GHRL: variants seen among roughly 807,000 people sequenced by gnomAD.
GHRL encodes the protein ghrelin and obestatin prepropeptide.
A neutral mutation model predicts 16.9 loss-of-function variants in GHRL; 24 were observed. That is an observed-to-expected ratio of 1.42 (90% CI 1.03 to 2.00). The LOEUF (loss-of-function observed/expected upper bound fraction) is 2.00, where lower values mean the gene tolerates loss of function less well. GHRL is among the 30% of genes most tolerant of loss of function. The probability of loss-of-function intolerance (pLI) is 0.00; values close to 1 mark genes in which losing one functional copy is unlikely to be tolerated. For synonymous variants in GHRL, 63 were observed against 58.2 expected (o/e 1.08, Z -0.37); for missense variants, 193 against 142.1 (o/e 1.36, Z -1.82).
At position 10,292,903 on chromosome 3, in the gene GHRL, C is replaced by G; in HGVS notation, c.-827G>C. On this transcript the variant is annotated 5_prime_UTR_variant, in exon 1 of 6. Coordinates refer to ENST00000335542, the MANE Select transcript of GHRL (RefSeq NM_016362.5). ...TGTTGATCTTAGATAAGACCACCAG[C>G]AAGTAAACATCCACTGTGCAAAGCT... 1.3e-6 allele frequency: 2 copies of G among 1,547,874 alleles called. No individual in the cohort carries two copies. Among genetic ancestry groups the G allele is most frequent in the Non-Finnish European group, 1.7e-6 (2 of 1,144,608 alleles).
intron 4 of GHRL, among the ~76,000 whole-genome samples, chr3:10,288,603 G>T (rs570920284): frequency 6.6e-6 from 1 of 152,348 alleles, no homozygotes; most frequent in South Asian, 2.1e-4. Flanking sequence ...TTTCAGATGA[G>T]AATCTAGTGG....
At chr3:10,292,753 C>A in intron 1 of GHRL, 89 bp downstream of exon 1, 1 of 761,586 alleles carries the variant, frequency 1.3e-6, no homozygotes, top group South Asian at 1.6e-5. Context: ...TTTTTCAGAG[C>A]CACCAACCCA....
At chr3:10,290,262 A>G (rs1209776946) in intron 2 of GHRL, 53 bp from the exon 3 acceptor site, 16 of 1,538,906 alleles carry the variant, frequency 1.0e-5, no homozygotes, top group East Asian at 4.8e-5. Context: ...TGTGCCTCTG[A>G]GCTTGCTCAG....
chr3:10,289,590 G>T (rs1028006319), intron 4 of GHRL, among the ~76,000 whole-genome samples, 172 bp downstream of exon 4: 2 of 152,080 alleles, frequency 1.3e-5, no homozygotes, highest in African/African-American at 4.8e-5. Context: ...TCTCTTAATG[G>T]GTAAAGACCT....
Position 10,292,822 on chromosome 3 carries a change from G to A in GHRL, c.-766+20C>T. 6.9e-7 allele frequency: 1 copy of A among 1,443,282 alleles called. No homozygotes were observed. Among genetic ancestry groups the A allele is most frequent in the Non-Finnish European group, 9.5e-7 (1 of 1,057,084 alleles). The allele number at this position is 1,443,282 out of a possible 1,614,324, so 89.4% of individuals were successfully genotyped here. A position where few individuals can be genotyped will look rare whatever the true frequency, so the allele number is the denominator to read the frequency against. ...ACTGTGGTGACCAGGTACCTCCTGA[G>A]ACATGAAGCCTCCACTTACCTGGAC... is the stretch of plus-strand genomic sequence containing the variant. On this transcript the variant is annotated intron_variant, in intron 1 of 5. Coordinates refer to ENST00000335542, the MANE Select transcript of GHRL (RefSeq NM_016362.5).
rs1443984769 is a variant in GHRL, at chr3:10,290,068, C to G, written c.108+5G>C. 1.9e-6 allele frequency: 3 copies of G among 1,610,932 alleles called. No individual in the cohort carries two copies. Among genetic ancestry groups the G allele is most frequent in the African/African-American group, 2.7e-5 (2 of 74,884 alleles). On this transcript the variant is annotated splice_donor_5th_base_variant and intron_variant, in intron 3 of 5. Coordinates refer to ENST00000335542, the MANE Select transcript of GHRL (RefSeq NM_016362.5). ...AACATGTGGGGCTTTGTGGGGAGGT[C>G]TCACCTGGACTCTCTGGTGTTCAGG...
intron 4 of GHRL, among the ~76,000 whole-genome samples, chr3:10,289,129 T>C (rs1238130989): frequency 6.6e-6 from 1 of 152,180 alleles, no homozygotes; most frequent in Non-Finnish European, 1.5e-5. Context: ...GAAGAAACCA[T>C]TCCCTGAACC....
intron 5 of GHRL, 28 bp downstream of exon 5, chr3:10,286,676 G>A (rs757810859): frequency 4.5e-5 from 58 of 1,276,994 alleles, no homozygotes; most frequent in Non-Finnish European, 6.0e-5. Context: ...CAAGGAAACC[G>A]AGCAAACCCA....
At chr3:10,286,395 A>G (rs1699070584) in intron 5 of GHRL, among the ~76,000 whole-genome samples, 1 of 152,212 alleles carries the variant, frequency 6.6e-6, no homozygotes, top group African/African-American at 2.4e-5. Flanking sequence ...GTAACACCAA[A>G]TAATTGTAGA....
intron 1 of GHRL, 39 bp from the exon 2 acceptor site, chr3:10,291,490 CCT>C (rs1292130731): frequency 6.1e-6 from 6 of 983,582 alleles, no homozygotes; most frequent in Non-Finnish European, 7.2e-6. Context: ...GGGCCTGGCT[CCT>C]CTCTCATTGA....
rs1699145661 is a variant in GHRL at position 10,286,791 on chromosome 3, C to T, written c.247G>A (p.Gly83Arg). Residue 83 changes from glycine to arginine, a missense_variant, in exon 5 of 6, where the codon GGA becomes AGA. Gly to Arg is a moderately radical substitution (Grantham distance 125). Transcript: ENST00000335542. ...TACTGAACCCCTGACAGCTTGATTCCAACATCAAAGGGGGCGTTGAACTAG... is the reference window on the plus strand; with the variant it reads ...TACTGAACCCCTGACAGCTTGATTCTAACATCAAAGGGGGCGTTGAACTAG... ...EVRFNAPFDV[G>R]IKLSGVQYQQ... The T allele has an allele frequency of 6.2e-7, 1 of 1,611,910 alleles. No homozygotes were observed. The highest frequency in any genetic ancestry group is 8.5e-7 in the Non-Finnish European group (1 of 1,178,000).
Position 10,290,958 on chromosome 3 carries a change from C to G in GHRL, c.-272G>C. 1.0e-6 allele frequency: 1 copy of G among 985,830 alleles called. No homozygotes were observed. Among genetic ancestry groups the G allele is most frequent in the Non-Finnish European group, 1.2e-6 (1 of 830,164 alleles). The allele number at this position is 985,830 out of a possible 1,614,324, so 61.1% of individuals were successfully genotyped here. A position where few individuals can be genotyped will look rare whatever the true frequency, so the allele number is the denominator to read the frequency against. On this transcript the variant is annotated 5_prime_UTR_variant, in exon 2 of 6. Coordinates refer to ENST00000335542, the MANE Select transcript of GHRL (RefSeq NM_016362.5). ...GCATGTGCTCCAGCTGTCCCTGGAACACGGTGGCGGGGTGCCCCAAGTGGG... is the reference window on the plus strand; with the variant it reads ...GCATGTGCTCCAGCTGTCCCTGGAAGACGGTGGCGGGGTGCCCCAAGTGGG...
At position 10,289,820 on chromosome 3, in the gene GHRL, C is replaced by T. The variant is rs780132084; in HGVS notation, c.167G>A (p.Trp56Ter). The T allele has an allele frequency of 3.1e-6, 5 of 1,613,978 alleles. No homozygotes were observed. Among genetic ancestry groups the T allele is most frequent in the South Asian group, 2.2e-5 (2 of 91,076 alleles). Residue 56 changes from tryptophan to a stop codon, truncating the protein, a stop_gained, in exon 4 of 6, where the codon TGG becomes TAG. Coordinates refer to ENST00000335542, the MANE Select transcript of GHRL (RefSeq NM_016362.5). LOFTEE classifies it high-confidence loss of function. Reference sequence around the variant, plus strand: ...TTGACCTCCATCTTCCGGGCGGAGCCAGCCTGCTAGAGCTCGGGGCTGCAG... The same window carrying T: ...TTGACCTCCATCTTCCGGGCGGAGCTAGCCTGCTAGAGCTCGGGGCTGCAG... Reference protein sequence around the residue: ...AKLQPRALAGWLRPEDGGQAE... With the variant: ...AKLQPRALAG
intron 4 of GHRL, among the ~76,000 whole-genome samples, chr3:10,288,558 A>G (rs1699444990): frequency 6.6e-6 from 1 of 152,190 alleles, no homozygotes; most frequent in African/African-American, 2.4e-5. Flanking sequence ...CTCACCAGCA[A>G]AATATCCTGG....
At position 10,290,174 on chromosome 3, in the gene GHRL, A is replaced by G; in HGVS notation, c.7T>C (p.Ser3Pro). Residue 3 changes from serine (S) to proline (P), a missense_variant, in exon 3 of 6, where the codon TCC becomes CCC. Coordinates refer to ENST00000335542, the MANE Select transcript of GHRL (RefSeq NM_016362.5). ...AGGAGGCTGCAGACGGTCCCTGGGG[A>G]GGGCATGGCCTCAGCTGGGTTGCAG... The part of the protein sequence containing the change: MP[S>P]PGTVCSLLLL... 2 of 1,611,078 alleles carry G rather than the reference A, an allele frequency of 1.2e-6. No homozygotes were observed. Among genetic ancestry groups the G allele is most frequent in the South Asian group, 1.1e-5 (1 of 90,460 alleles).
chr3:10,290,662 G>A, intron 2 of GHRL, 54 bp downstream of exon 2: 1 of 939,668 alleles, frequency 1.1e-6, no homozygotes, highest in East Asian at 9.1e-5. Context: ...ACGGGCAGCA[G>A]TCACGGACAA....
At chr3:10,286,310 C>T (rs73811875) in intron 5 of GHRL, among the ~76,000 whole-genome samples, 4,230 of 152,268 alleles carry the variant, frequency 0.028, 189 homozygotes, top group African/African-American at 0.095. Context: ...TAACAGGCTG[C>T]AGAACCTGTT....
chr3:10,292,576 G>A, intron 1 of GHRL: 1 of 466,262 alleles, frequency 2.1e-6, no homozygotes, highest in Non-Finnish European at 3.8e-6. Context: ...CCACTGTGGT[G>A]GCTAAAATCC....
chr3:10,288,530 A>G (rs979275150), intron 4 of GHRL, among the ~76,000 whole-genome samples: 4 of 152,118 alleles, frequency 2.6e-5, no homozygotes, highest in Admixed American at 2.6e-4. Flanking sequence ...TGGGATGACC[A>G]TGTGTGGAGC....
Sources: allele counts gnomAD v4.1 joint callset (sites outside exome capture counted in the v4.1 genomes callset), GRCh38; gene constraint gnomAD v4.1.1; transcripts MANE v1.5; gene names NCBI Gene and HGNC (gene_info 2026-07-23, HGNC 2026-07-21).